The following EWSR1 variants were observed in gnomAD, a reference collection of about 807,000 sequenced individuals.
EWSR1 encodes RNA-binding protein EWS.
EWSR1 carries 14 observed loss-of-function variants against 92.1 expected under a neutral mutation model. The ratio of observed to expected loss-of-function variants is 0.15; its 90% CI spans 0.10 to 0.24. EWSR1 has a LOEUF of 0.24. Among genes scored for constraint, EWSR1 ranks in the 10% least tolerant of loss-of-function variants. EWSR1 has a pLI of 1.00. For missense variants in EWSR1, 637 were observed against 870.9 expected (o/e 0.73, Z 3.38); for synonymous variants, 303 against 292.9 (o/e 1.03, Z -0.35).
At position 29,296,353 on chromosome 22, in the gene EWSR1, G is replaced by A. The variant is rs538447999; in HGVS notation, c.1279G>A (p.Val427Met). Residue 427 changes from valine (V) to methionine (M), a missense_variant, in exon 12 of 17, where the codon GTG becomes ATG. Physicochemically the swap from Val to Met is conservative, Grantham distance 21. This residue lies in a region of EWSR1 where 363 missense variants were observed against 447.8 expected (regional missense o/e 0.81). Coordinates refer to ENST00000397938, the MANE Select transcript of EWSR1 (RefSeq NM_005243.4). ...AGACCCACCCACTGCCAAGGCTGCC[G>A]TGGAATGGTTTGATGGTGAGATGTA... ...YEDPPTAKAA[V>M]EWFDGKDFQG... 29 of 1,614,062 alleles carry A rather than the reference G, an allele frequency of 1.8e-5. No homozygotes were observed. Among genetic ancestry groups the A allele is most frequent in the Admixed American group, 1.0e-4 (6 of 60,020 alleles).
At chr22:29,296,164 C>T in intron 11 of EWSR1, 75 bp from the exon 12 acceptor site, 2 of 1,473,386 alleles carry the variant, frequency 1.4e-6, no homozygotes, top group Non-Finnish European at 1.8e-6. Context: ...GGTACTTTTC[C>T]TGGATTTTGC....
intron 13 of EWSR1, 150 bp from the exon 14 acceptor site, chr22:29,298,583 C>A: frequency 2.3e-6 from 2 of 872,282 alleles, no homozygotes; most frequent in East Asian, 2.6e-5. Flanking sequence ...GGGAAGGGGG[C>A]TGATGGCCTG....
chr22:29,293,926 G>A (rs2060638361), intron 11 of EWSR1, among the ~76,000 whole-genome samples: 1 of 152,022 alleles, frequency 6.6e-6, no homozygotes, highest in Non-Finnish European at 1.5e-5. Context: ...TCACCCGGCT[G>A]GATTGCAGTG....
At chr22:29,275,034 A>G (rs16987352) in intron 4 of EWSR1, among the ~76,000 whole-genome samples, 1,990 of 147,780 alleles carry the variant, frequency 0.013, 54 homozygotes, top group African/African-American at 0.048. Context: ...ATTGAGTACC[A>G]GTGTCCTGAT....
intron 9 of EWSR1, 33 bp downstream of exon 9, chr22:29,291,632 T>TAA: frequency 6.4e-7 from 1 of 1,558,196 alleles, no homozygotes; most frequent in Non-Finnish European, 8.7e-7. Context: ...AGATAGTGTT[T>TAA]AAAAAAAAAT....
chr22:29,275,742 A>G (rs1569055838), intron 4 of EWSR1: 1 of 229,046 alleles, frequency 4.4e-6, no homozygotes, highest in African/African-American at 2.2e-5. Flanking sequence ...AGGATTTTTA[A>G]AAATTAAACT....
chr22:29,298,600 A>G lies in EWSR1; in HGVS notation c.1418-133A>G, dbSNP rs2061068501. On this transcript the variant is annotated intron_variant, in intron 13 of 16. Transcript: ENST00000397938. The stretch of plus-strand genomic sequence containing the variant: ...GAAGGGGGCTGATGGCCTGAGCCAC[A>G]CGGAAACACGGGACAGGTGATGGGG... 2.7e-6 allele frequency: 3 copies of G among 1,121,260 alleles called. No individual in the cohort carries two copies. In the Admixed American group the frequency reaches 5.7e-5, roughly 21 times the overall value. The allele number at this position is 1,121,260 out of a possible 1,614,324, so 69.5% of individuals were successfully genotyped here.
chr22:29,274,571 C>A (rs753765367), intron 4 of EWSR1: 8 of 400,246 alleles, frequency 2.0e-5, no homozygotes, highest in Non-Finnish European at 3.6e-5. Context: ...AGCTGATTTT[C>A]CCCTGTTCCC....
At chr22:29,270,973 A>G (rs1309303014) in intron 1 of EWSR1, among the ~76,000 whole-genome samples, 1 of 152,184 alleles carries the variant, frequency 6.6e-6, no homozygotes, top group African/African-American at 2.4e-5. Flanking sequence ...GTACAAAGGA[A>G]AGAAAGTAGT....
chr22:29,298,502 G>A (rs1484913177), intron 13 of EWSR1, among the ~76,000 whole-genome samples: 4 of 131,902 alleles, frequency 3.0e-5, no homozygotes, highest in Admixed American at 1.5e-4. Flanking sequence ...GTGAGACTCC[G>A]TCTCCAAAAA....
At chr22:29,270,957 G>T (rs965110875) in intron 1 of EWSR1, among the ~76,000 whole-genome samples, 4 of 152,168 alleles carry the variant, frequency 2.6e-5, no homozygotes, top group African/African-American at 9.7e-5. Flanking sequence ...TTTGAGTTAA[G>T]AGTGTGTACA....
At chr22:29,292,696 A>C (rs1415289831) in intron 11 of EWSR1, 90 bp downstream of exon 11, 3 of 807,876 alleles carry the variant, frequency 3.7e-6, no homozygotes, top group African/African-American at 1.7e-5. Flanking sequence ...GTTGTTTTCT[A>C]AGGTTGCCTT....
intron 4 of EWSR1, among the ~76,000 whole-genome samples, chr22:29,274,935 AT>A (rs2058985741): frequency 6.6e-6 from 1 of 152,206 alleles, no homozygotes; most frequent in African/African-American, 2.4e-5. Flanking sequence ...AGTCTTAAAG[AT>A]ATCAGAGCTC....
At chr22:29,291,805 T>G (rs1331371152) in intron 9 of EWSR1, 16 of 594,198 alleles carry the variant, frequency 2.7e-5, no homozygotes, top group Non-Finnish European at 4.1e-5. Flanking sequence ...ATTGAGTAAC[T>G]GCTTCTGTAA....
chr22:29,272,145 C>A (rs1282627952), intron 1 of EWSR1, 71 bp from the exon 2 acceptor site: 4 of 1,407,766 alleles, frequency 2.8e-6, no homozygotes, highest in Non-Finnish European at 4.0e-6. Flanking sequence ...CACGTGAATT[C>A]TTTCCCCCTT....
Position 29,278,035 on chromosome 22 carries a change from A to T in EWSR1, c.232A>T (p.Thr78Ser), listed in dbSNP as rs1413356107. 3 of 1,613,628 alleles carry T rather than the reference A, an allele frequency of 1.9e-6. No homozygotes were observed. In the South Asian group the frequency reaches 3.3e-5, roughly 18 times the overall value. The change falls in exon 5 of 17, where the codon ACT becomes TCT. Residue 78 changes from threonine to serine, a missense_variant. Physicochemically the swap from Thr to Ser is moderately conservative, Grantham distance 58. Around this residue, in one of 5 missense-constraint regions of EWSR1, gnomAD observed 144 missense variants for 189.0 expected, o/e 0.76. Coordinates refer to ENST00000397938, the MANE Select transcript of EWSR1 (RefSeq NM_005243.4). The part of the protein sequence containing the change: ...TSYGQPPTGY[T>S]TPTAPQAYSQ... ...GCAGCTCTCCTTTGTTCTAGGTTATACTACTCCAACTGCCCCCCAGGCATA... is the reference window on the plus strand; with the variant it reads ...GCAGCTCTCCTTTGTTCTAGGTTATTCTACTCCAACTGCCCCCCAGGCATA...
intron 9 of EWSR1, chr22:29,291,883 G>A: frequency 1.8e-6 from 1 of 567,322 alleles, no homozygotes; most frequent in Non-Finnish European, 3.1e-6. Flanking sequence ...ATTTAACACT[G>A]ATTTGGCACA....
At chr22:29,268,540 A>T (rs938461784) in intron 1 of EWSR1, among the ~76,000 whole-genome samples, 191 bp downstream of exon 1, 1 of 152,114 alleles carries the variant, frequency 6.6e-6, no homozygotes, top group Admixed American at 6.5e-5. Context: ...CGGTTCTGGA[A>T]TCTTCCGGCG....
chr22:29,276,128 T>A (rs17454495), intron 4 of EWSR1: 1 of 231,676 alleles, frequency 4.3e-6, no homozygotes, highest in Non-Finnish European at 8.5e-6. Context: ...TGATCACTTT[T>A]AGTTTTTTGT....
Sources: allele counts gnomAD v4.1 joint callset (sites outside exome capture counted in the v4.1 genomes callset), GRCh38; gene constraint gnomAD v4.1.1; regional missense constraint gnomAD v4.1.1; transcripts MANE v1.5; gene names NCBI Gene and HGNC (gene_info 2026-07-23, HGNC 2026-07-21).